Variants in NRXN3 observed in about 807,000 individuals in gnomAD.
NRXN3 encodes neurexin 3.
NRXN3 carries 32 observed loss-of-function variants against 137.6 expected under a neutral mutation model. The observed-to-expected ratio is 0.23, with a 90% CI of 0.18 to 0.31. The LOEUF is 0.31. Among genes scored for constraint, NRXN3 ranks in the 10% least tolerant of loss-of-function variants. The probability of loss-of-function intolerance (pLI) is 1.00; values close to 1 mark genes in which losing one functional copy is unlikely to be tolerated. For synonymous variants in NRXN3, 798 were observed against 784.5 expected, an observed-to-expected ratio of 1.02 and a Z score of -0.29; for missense variants, 1,574 against 2,062.5, an observed-to-expected ratio of 0.76 and a Z score of 4.59.
chr14:78,758,246 G>A (rs10144083), intron 8 of NRXN3, among the ~76,000 whole-genome samples: 57,518 of 152,038 alleles, frequency 0.38, 15,929 homozygotes, highest in African/African-American at 0.79. Context: ...TACAATGAAC[G>A]TATTGTTTTG....
At chr14:79,280,411 T>TTCC (rs1663122638) in intron 15 of NRXN3, 1 of 1,614,092 alleles carries the variant, frequency 6.2e-7, no homozygotes, top group Non-Finnish European at 8.5e-7. Flanking sequence ...CTAATGTAGC[T>TTCC]TCCTCCTCCT....
chr14:78,228,162 T>C (rs1342399087), intron 1 of NRXN3, among the ~76,000 whole-genome samples: 2 of 149,716 alleles, frequency 1.3e-5, no homozygotes, highest in Non-Finnish European at 3.0e-5. Flanking sequence ...TCTTTCTTTT[T>C]TTTTTTTTTT....
chr14:78,778,820 CT>C (rs869051955), intron 8 of NRXN3, among the ~76,000 whole-genome samples: 7 of 75,260 alleles, frequency 9.3e-5, no homozygotes, highest in African/African-American at 3.5e-4. Flanking sequence ...TTCTTTCTTT[CT>C]TTTCCTTCTT....
intron 4 of NRXN3, among the ~76,000 whole-genome samples, chr14:78,493,594 A>G (rs752674443): frequency 5.9e-5 from 9 of 152,050 alleles, no homozygotes; most frequent in Non-Finnish European, 1.2e-4. Flanking sequence ...AATGACAAAT[A>G]GATTTCATCT....
chr14:79,578,563 C>T (rs2097686900), intron 16 of NRXN3, among the ~76,000 whole-genome samples: 1 of 152,158 alleles, frequency 6.6e-6, no homozygotes, highest in Non-Finnish European at 1.5e-5. Context: ...GCAGCACCCA[C>T]ACTAAACAAA....
intron 15 of NRXN3, among the ~76,000 whole-genome samples, chr14:79,177,598 A>T (rs1273377396): frequency 6.6e-6 from 1 of 152,178 alleles, no homozygotes; most frequent in Non-Finnish European, 1.5e-5. Flanking sequence ...TTTCTGAGGG[A>T]TTATTGAAAC....
chr14:79,449,990 C>CAA (rs66658022), intron 15 of NRXN3, among the ~76,000 whole-genome samples: 10 of 40,776 alleles, frequency 2.5e-4, no homozygotes, highest in East Asian at 6.9e-4. Flanking sequence ...AACTCCATCT[C>CAA]AAAAAAAAAA....
chr14:78,625,627 T>G (rs2097450468), intron 4 of NRXN3, among the ~76,000 whole-genome samples: 1 of 152,232 alleles, frequency 6.6e-6, no homozygotes, highest in Non-Finnish European at 1.5e-5. Context: ...AAAGGGAACC[T>G]TCTTATCTTC....
chr14:78,483,356 T>G (rs1344774447), intron 4 of NRXN3, among the ~76,000 whole-genome samples: 2 of 152,224 alleles, frequency 1.3e-5, no homozygotes, highest in Non-Finnish European at 2.9e-5. Flanking sequence ...TTTCTAGTAA[T>G]TAGCTCAGTG....
rs550245038 is a variant in NRXN3 at position 78,946,803 on chromosome 14, G to A, written c.2276-10439G>A. 3.9e-5 allele frequency among the ~76,000 whole-genome samples: 6 copies of A among 152,222 alleles called. No individual in the cohort carries two copies. The East Asian group carries it at 1.2e-3, about 29-fold the overall frequency. ...GTCGGTTTTGCATGCGTCATACATGGCCAGGCTTGCTGTATTAAGAGCCAG... is the reference window on the plus strand; with the variant it reads ...GTCGGTTTTGCATGCGTCATACATGACCAGGCTTGCTGTATTAAGAGCCAG... On this transcript the variant is annotated intron_variant, in intron 10 of 20. Coordinates refer to ENST00000335750, the MANE Select transcript of NRXN3 (RefSeq NM_001330195.2).
At chr14:79,785,405 G>A (rs916100684) in intron 19 of NRXN3, among the ~76,000 whole-genome samples, 1 of 152,064 alleles carries the variant, frequency 6.6e-6, no homozygotes, top group Non-Finnish European at 1.5e-5. Flanking sequence ...TAACTAAATC[G>A]AATGAGTCTC....
chr14:79,799,217 A>C (rs970329945), intron 19 of NRXN3, among the ~76,000 whole-genome samples: 16 of 152,220 alleles, frequency 1.1e-4, no homozygotes, highest in Non-Finnish European at 2.2e-4. Flanking sequence ...TAATTTCAAC[A>C]CGTGGATTAA....
intron 8 of NRXN3, among the ~76,000 whole-genome samples, chr14:78,773,275 G>T (rs1338632625): frequency 6.6e-6 from 1 of 152,164 alleles, no homozygotes; most frequent in Non-Finnish European, 1.5e-5. Flanking sequence ...CCTAGCTCCT[G>T]GGACTATGGG....
intron 4 of NRXN3, among the ~76,000 whole-genome samples, chr14:78,524,195 T>C (rs1050302988): frequency 6.6e-6 from 1 of 151,084 alleles, no homozygotes; most frequent in African/African-American, 2.4e-5. Context: ...TTAGTGTATG[T>C]TTTTTTTTGT....
chr14:78,952,584 T>C (rs2099389187), intron 10 of NRXN3, among the ~76,000 whole-genome samples: 1 of 152,204 alleles, frequency 6.6e-6, no homozygotes, highest in South Asian at 2.1e-4. Flanking sequence ...GTTTTCTTTT[T>C]TGACATATCT....
At position 79,748,679 on chromosome 14, in the gene NRXN3, G is replaced by T. The variant is rs377405510; in HGVS notation, c.4014+50742G>T. Among the ~76,000 whole-genome samples the T allele has an allele frequency of 4.5e-3, 682 of 152,180 alleles. 38 individuals carry two copies. The South Asian group carries it at 0.13, about 29-fold the overall frequency. On this transcript the variant is annotated intron_variant, in intron 19 of 20. Transcript: ENST00000335750. ...TCAATAAAGAAGAGGCCAGTGGCGG[G>T]TTTACTCATTTTTAAAAAAATTTCC...
At chr14:79,514,930 G>T (rs967496684) in intron 16 of NRXN3, among the ~76,000 whole-genome samples, 1 of 150,958 alleles carries the variant, frequency 6.6e-6, no homozygotes. Context: ...TAAGTTAAGT[G>T]TTAGTCACAT....
chr14:78,336,032 C>T (rs2153576339), intron 4 of NRXN3, among the ~76,000 whole-genome samples: 1 of 152,326 alleles, frequency 6.6e-6, no homozygotes, highest in South Asian at 2.1e-4. Flanking sequence ...AAATCCAGAG[C>T]TCCTCAGAAT....
intron 4 of NRXN3, among the ~76,000 whole-genome samples, chr14:78,371,686 C>T (rs1454923356): frequency 6.6e-6 from 1 of 152,238 alleles, no homozygotes; most frequent in African/African-American, 2.4e-5. Context: ...TGTGCTCCAT[C>T]CCATGTGGGG....
Sources: allele counts gnomAD v4.1 joint callset (sites outside exome capture counted in the v4.1 genomes callset), GRCh38; gene constraint gnomAD v4.1.1; transcripts MANE v1.5; gene names NCBI Gene and HGNC (gene_info 2026-07-23, HGNC 2026-07-21).